The following CTTNBP2NL variants were observed in gnomAD, a reference collection of about 807,000 sequenced individuals.
The protein encoded by CTTNBP2NL is CTTNBP2 N-terminal like.
In CTTNBP2NL, 16 loss-of-function variants were observed where a neutral mutation model predicts 32.5. The observed-to-expected ratio is 0.49, with a 90% CI of 0.33 to 0.75. The LOEUF is 0.75. Among genes scored for constraint, CTTNBP2NL ranks in the 30% least tolerant of loss-of-function variants. CTTNBP2NL has a pLI of 0.02. For synonymous variants in CTTNBP2NL, 298 were observed against 289.4 expected (o/e 1.03, Z -0.30); for missense variants, 645 against 756.0 (o/e 0.85, Z 1.72).
chr1:112,416,425 G>T, intron 3 of CTTNBP2NL, 161 bp downstream of exon 3: 1 of 530,054 alleles, frequency 1.9e-6, no homozygotes, highest in Non-Finnish European at 3.3e-6. Flanking sequence ...GTGTTATTAG[G>T]GACACTGGTG....
At chr1:112,439,762 G>A (rs1354131354) in intron 3 of CTTNBP2NL, among the ~76,000 whole-genome samples, 2 of 152,210 alleles carry the variant, frequency 1.3e-5, no homozygotes, top group African/African-American at 4.8e-5. Flanking sequence ...CCCGAACCCT[G>A]CCAACCTCAT....
At chr1:112,408,469 C>T (rs1648751660) in intron 1 of CTTNBP2NL, among the ~76,000 whole-genome samples, 2 of 151,920 alleles carry the variant, frequency 1.3e-5, no homozygotes. Context: ...ATAAATAATC[C>T]TTCTGAAAAA....
At chr1:112,438,044 G>T (rs1649787073) in intron 3 of CTTNBP2NL, among the ~76,000 whole-genome samples, 1 of 152,130 alleles carries the variant, frequency 6.6e-6, no homozygotes, top group African/African-American at 2.4e-5. Context: ...TGTCCAGAAT[G>T]GTATTGTCTA....
At chr1:112,411,784 G>A (rs533968072) in intron 1 of CTTNBP2NL, among the ~76,000 whole-genome samples, 3 of 151,816 alleles carry the variant, frequency 2.0e-5, no homozygotes, top group East Asian at 3.9e-4. Context: ...CTGGGTTCAC[G>A]CCATTCTCCT....
intron 3 of CTTNBP2NL, among the ~76,000 whole-genome samples, chr1:112,433,195 A>G (rs191906379): frequency 1.8e-4 from 28 of 152,238 alleles, no homozygotes; most frequent in Non-Finnish European, 3.4e-4. Context: ...CTCTTGCCCT[A>G]TAGCCTTTTA....
intron 3 of CTTNBP2NL, among the ~76,000 whole-genome samples, chr1:112,421,097 A>G (rs993090314): frequency 6.6e-6 from 1 of 152,126 alleles, no homozygotes; most frequent in South Asian, 2.1e-4. Context: ...CAGAGGTTCA[A>G]AGTCCATCCA....
intron 3 of CTTNBP2NL, among the ~76,000 whole-genome samples, chr1:112,445,248 C>T (rs934641581): frequency 6.6e-6 from 1 of 152,118 alleles, no homozygotes; most frequent in Non-Finnish European, 1.5e-5. Flanking sequence ...GATTCCTGAC[C>T]CTCCAAAACT....
chr1:112,430,546 CTTT>C (rs552996822), intron 3 of CTTNBP2NL, among the ~76,000 whole-genome samples: 24 of 80,492 alleles, frequency 3.0e-4, no homozygotes, highest in African/African-American at 1.1e-3. Context: ...CCATAGCTAG[CTTT>C]TTTTTTTTTT....
chr1:112,395,284 A>G (rs936383381), upstream of CTTNBP2NL, among the ~76,000 whole-genome samples: 2 of 152,266 alleles, frequency 1.3e-5, no homozygotes, highest in African/African-American at 4.8e-5. Flanking sequence ...GTGAGCTGAC[A>G]GCCATTCTGT....
intron 3 of CTTNBP2NL, among the ~76,000 whole-genome samples, chr1:112,437,924 G>C (rs1279464011): frequency 2.6e-5 from 4 of 152,158 alleles, no homozygotes; most frequent in Admixed American, 6.6e-5. Flanking sequence ...TCTGTTGATA[G>C]TTTCTTTTGC....
At position 112,456,592 on chromosome 1, in the gene CTTNBP2NL, A is replaced by T; in HGVS notation, c.1100A>T (p.Asn367Ile). 6.2e-7 allele frequency: 1 copy of T among 1,614,174 alleles called. No individual in the cohort carries two copies. The highest frequency in any genetic ancestry group is 1.1e-5 in the South Asian group (1 of 91,086). Residue 367 changes from asparagine to isoleucine, a missense_variant, in exon 6 of 6, where the codon AAT (asparagine) becomes ATT (isoleucine). Coordinates refer to ENST00000271277, the MANE Select transcript of CTTNBP2NL (RefSeq NM_018704.3). Reference sequence around the variant, plus strand: ...ACCAGGGAGCTGACTGCAGGCAACAATGTAGAAAACCAGGTGCCTCCACGG... The same window carrying T: ...ACCAGGGAGCTGACTGCAGGCAACATTGTAGAAAACCAGGTGCCTCCACGG... Reference protein sequence around the residue: ...QTTRELTAGNNVENQVPPREK... With the variant: ...QTTRELTAGNIVENQVPPREK...
At chr1:112,410,391 CAAAA>C (rs11350803) in intron 1 of CTTNBP2NL, among the ~76,000 whole-genome samples, 1 of 127,426 alleles carries the variant, frequency 7.8e-6, no homozygotes, top group Admixed American at 7.8e-5. Context: ...AACTCCATCT[CAAAA>C]AAAAAAAAAA....
Position 112,416,186 on chromosome 1 carries a change from C to A in CTTNBP2NL, c.21C>A (p.Ser7Arg). Residue 7 changes from serine (S) to arginine (R), a missense_variant, in exon 3 of 6, where the codon AGC becomes AGA. By Grantham distance (110) the Ser-to-Arg change is moderately radical. Coordinates refer to ENST00000271277, the MANE Select transcript of CTTNBP2NL (RefSeq NM_018704.3). ...TCAAGATGAATCTGGAAAAACTCAG[C>A]AAGCCTGAACTCCTGACACTATTTA... Reference protein sequence around the residue: MNLEKLSKPELLTLFSI... With the variant: MNLEKLRKPELLTLFSI... 6.2e-7 allele frequency: 1 copy of A among 1,602,476 alleles called. No homozygotes were observed. The highest frequency in any genetic ancestry group is 8.5e-7 in the Non-Finnish European group (1 of 1,174,734).
intron 3 of CTTNBP2NL, among the ~76,000 whole-genome samples, chr1:112,429,150 T>C (rs1649487326): frequency 6.6e-6 from 1 of 152,240 alleles, no homozygotes; most frequent in African/African-American, 2.4e-5. Flanking sequence ...ATATTTTACA[T>C]GCAGATCCTG....
chr1:112,416,026 T>G (rs1649051107), intron 2 of CTTNBP2NL, 131 bp from the exon 3 acceptor site: 2 of 609,464 alleles, frequency 3.3e-6, no homozygotes, highest in East Asian at 6.2e-5. Flanking sequence ...ATATTTCTAT[T>G]TAATTTCAAC....
intron 3 of CTTNBP2NL, among the ~76,000 whole-genome samples, chr1:112,420,516 G>C (rs546152012): frequency 6.6e-6 from 1 of 151,362 alleles, no homozygotes; most frequent in Non-Finnish European, 1.5e-5. Flanking sequence ...GCCTAGGCTA[G>C]AGTGCAGTGG....
chr1:112,396,024 C>T (rs961897283), upstream of CTTNBP2NL, among the ~76,000 whole-genome samples: 1 of 152,234 alleles, frequency 6.6e-6, no homozygotes, highest in Non-Finnish European at 1.5e-5. Flanking sequence ...CCGGAAGTGA[C>T]GCGAGCTCAA....
chr1:112,395,304 A>G (rs184870783), upstream of CTTNBP2NL, among the ~76,000 whole-genome samples: 133 of 152,356 alleles, frequency 8.7e-4, no homozygotes, highest in African/African-American at 3.0e-3. Flanking sequence ...TGGAAAAGGA[A>G]TTCAGAAACT....
chr1:112,412,005 A>C (rs1163467458), intron 1 of CTTNBP2NL, among the ~76,000 whole-genome samples, 189 bp from the exon 2 acceptor site: 4 of 152,170 alleles, frequency 2.6e-5, no homozygotes, highest in African/African-American at 9.7e-5. Context: ...TGCAAAAGGG[A>C]AGTCAGATTC....
Sources: gnomAD v4.1 joint callset for allele counts (sites outside exome capture counted in the v4.1 genomes callset) on GRCh38, gnomAD v4.1.1 for gene constraint, MANE v1.5 for transcripts, NCBI Gene and HGNC (gene_info 2026-07-23, HGNC 2026-07-21) for gene names.